Variants in MYZAP observed in about 807,000 individuals in gnomAD.
MYZAP encodes the protein GRINL1A complex locus upstream.
In MYZAP, 66 loss-of-function variants were observed where a neutral mutation model predicts 69.4. That is an observed-to-expected ratio of 0.95 (90% CI 0.78 to 1.17). MYZAP has a LOEUF of 1.17. Among genes scored for constraint, MYZAP ranks in the 50% most tolerant of loss-of-function variants. MYZAP has a pLI of 0.00. For missense variants in MYZAP, 611 were observed against 556.2 expected (o/e 1.10, Z -0.99); for synonymous variants, 256 against 205.9 (o/e 1.24, Z -2.09).
At chr15:57,678,964 G>T (rs1259339708) in intron 12 of MYZAP, among the ~76,000 whole-genome samples, 1 of 152,074 alleles carries the variant, frequency 6.6e-6, no homozygotes, top group Admixed American at 6.6e-5. Context: ...ATCACCTGAG[G>T]TTGGGAGTTT....
chr15:57,644,042 A>G (rs2037312793), intron 10 of MYZAP, among the ~76,000 whole-genome samples: 1 of 152,208 alleles, frequency 6.6e-6, no homozygotes, highest in Non-Finnish European at 1.5e-5. Flanking sequence ...TCACCTGGGG[A>G]GCTTTAAGAC....
chr15:57,634,234 A>C (rs746929640), intron 8 of MYZAP, among the ~76,000 whole-genome samples: 5 of 152,082 alleles, frequency 3.3e-5, no homozygotes, highest in Non-Finnish European at 7.4e-5. Flanking sequence ...TGGGATAATG[A>C]AGCCTGTCTA....
chr15:57,601,439 G>C (rs1019473592), intron 1 of MYZAP, among the ~76,000 whole-genome samples: 1 of 152,068 alleles, frequency 6.6e-6, no homozygotes, highest in African/African-American at 2.4e-5. Flanking sequence ...TTGTGCAAAT[G>C]TCAGACTGGT....
rs770540454 is a variant in MYZAP at position 57,593,212 on chromosome 15, A to ACACACACACACACACACACACT, written c.75+1106_75+1107insACACACACACACACACACTCAC. 1.3e-3 allele frequency among the ~76,000 whole-genome samples: 161 copies of ACACACACACACACACACACACT among 124,960 alleles called. 2 individuals carry two copies. In the South Asian group the frequency reaches 0.013, roughly 10 times the overall value. 82.0% of individuals were successfully genotyped at this position (124,960 alleles called of 152,430 possible). On this transcript the variant is annotated intron_variant, in intron 1 of 12. Transcript: ENST00000267853. ...CGCACACACACACACACACACACAC[A>ACACACACACACACACACACACT]CACCCCAGAATCCATCAGTTGGCTC...
chr15:57,663,964 A>G (rs1438389617), intron 11 of MYZAP, among the ~76,000 whole-genome samples: 1 of 152,182 alleles, frequency 6.6e-6, no homozygotes, highest in Non-Finnish European at 1.5e-5. Context: ...ATATATACAA[A>G]AAAAGTTGCA....
At chr15:57,626,376 C>T (rs17239999) in intron 5 of MYZAP, among the ~76,000 whole-genome samples, 31,216 of 152,118 alleles carry the variant, frequency 0.21, 3,556 homozygotes, top group Non-Finnish European at 0.26. Flanking sequence ...GGATATTCCA[C>T]GTCTTGTAGT....
intron 9 of MYZAP, among the ~76,000 whole-genome samples, chr15:57,638,771 A>T (rs1281671807): frequency 6.6e-6 from 1 of 152,204 alleles, no homozygotes; most frequent in East Asian, 1.9e-4. Flanking sequence ...AAAATAAAGG[A>T]TATGTAGAGC....
chr15:57,678,041 C>CAAAAAAAAAA (rs56102709), intron 12 of MYZAP, among the ~76,000 whole-genome samples: 72 of 116,216 alleles, frequency 6.2e-4, no homozygotes, highest in African/African-American at 2.3e-3. Context: ...TTATCTCTAC[C>CAAAAAAAAAA]AAAAAAAAAA....
intron 11 of MYZAP, among the ~76,000 whole-genome samples, chr15:57,662,118 T>C (rs947929678): frequency 2.6e-5 from 4 of 152,230 alleles, no homozygotes; most frequent in Non-Finnish European, 5.9e-5. Flanking sequence ...CTTGACTTTC[T>C]GGCTTTTTGA....
chr15:57,650,694 C>T (rs2037682502), intron 10 of MYZAP, among the ~76,000 whole-genome samples: 1 of 152,148 alleles, frequency 6.6e-6, no homozygotes, highest in Non-Finnish European at 1.5e-5. Context: ...ATAGTTCCTG[C>T]CAGGACAAAC....
chr15:57,675,791 T>C (rs2039086265), intron 12 of MYZAP, among the ~76,000 whole-genome samples: 1 of 152,140 alleles, frequency 6.6e-6, no homozygotes, highest in African/African-American at 2.4e-5. Flanking sequence ...TCCCGGGTGC[T>C]CACAACTGTG....
chr15:57,615,386 C>T (rs2035369390), intron 2 of MYZAP, among the ~76,000 whole-genome samples: 2 of 152,178 alleles, frequency 1.3e-5, no homozygotes, highest in East Asian at 1.9e-4. Flanking sequence ...CTGGGCCACT[C>T]GGGAGTGTTC....
At chr15:57,618,543 G>C (rs880229) in intron 3 of MYZAP, among the ~76,000 whole-genome samples, 33,756 of 152,088 alleles carry the variant, frequency 0.22, 4,075 homozygotes, top group Non-Finnish European at 0.27. Context: ...AAGACTGTGG[G>C]TGATTCAGAT....
intron 11 of MYZAP, among the ~76,000 whole-genome samples, chr15:57,670,824 T>C (rs2038834033): frequency 6.6e-6 from 1 of 152,118 alleles, no homozygotes. Context: ...AGCTGTTCAC[T>C]GTGCACCTAG....
chr15:57,617,686 G>A (rs1330870484), intron 2 of MYZAP, among the ~76,000 whole-genome samples: 1 of 152,136 alleles, frequency 6.6e-6, no homozygotes, highest in Non-Finnish European at 1.5e-5. Flanking sequence ...TGGGATAAGG[G>A]GAAAGACAGC....
chr15:57,658,866 C>G lies in MYZAP; in HGVS notation c.1120-2584C>G, dbSNP rs141048960. The stretch of plus-strand genomic sequence containing the variant: ...TGAAGCCATTATTTCATAGAAATTG[C>G]AAAATTGTGATTTTCTAATTCTGTC... On this transcript the variant is annotated intron_variant, in intron 10 of 12. Transcript: ENST00000267853. Among the ~76,000 whole-genome samples, 733 of 152,210 alleles carry G rather than the reference C, an allele frequency of 4.8e-3. 5 individuals are homozygous for G. Among genetic ancestry groups the G allele is most frequent in the African/African-American group, 0.017 (693 of 41,536 alleles).
intron 10 of MYZAP, among the ~76,000 whole-genome samples, chr15:57,655,772 A>G (rs922143591): frequency 6.6e-6 from 1 of 152,232 alleles, no homozygotes; most frequent in Non-Finnish European, 1.5e-5. Flanking sequence ...TACTCATCAA[A>G]AGAAAAATTA....
chr15:57,680,485 TCACACACA>T (rs71950892), intron 12 of MYZAP, among the ~76,000 whole-genome samples: 4 of 142,990 alleles, frequency 2.8e-5, no homozygotes, highest in South Asian at 4.3e-4. Context: ...GTTCAGGAGT[TCACACACA>T]CACACACACA....
At chr15:57,646,210 G>A in intron 10 of MYZAP, 4 of 1,289,362 alleles carry the variant, frequency 3.1e-6, no homozygotes, top group Non-Finnish European at 4.0e-6. Flanking sequence ...AGCCTGCTCT[G>A]GGTTGGAAGC....
Sources: allele counts gnomAD v4.1 joint callset (sites outside exome capture counted in the v4.1 genomes callset), GRCh38; gene constraint gnomAD v4.1.1; transcripts MANE v1.5; gene names NCBI Gene and HGNC (gene_info 2026-07-23, HGNC 2026-07-21).